Variants in HSD17B12 observed in about 807,000 individuals in gnomAD.
The protein encoded by HSD17B12 is hydroxysteroid 17-beta dehydrogenase 12.
A neutral mutation model predicts 39.3 loss-of-function variants in HSD17B12; 32 were observed. The observed-to-expected ratio is 0.81, with a 90% confidence interval of 0.61 to 1.09. The LOEUF (loss-of-function observed/expected upper bound fraction) is 1.09, where lower values mean the gene tolerates loss of function less well. Among genes scored for constraint, HSD17B12 ranks in the 50% least tolerant of loss-of-function variants. The probability of loss-of-function intolerance (pLI) is 0.00; values close to 1 mark genes in which losing one functional copy is unlikely to be tolerated. For missense variants in HSD17B12, 342 were observed against 382.9 expected, an observed-to-expected ratio of 0.89 and a Z score of 0.89; for synonymous variants, 150 against 146.7, an observed-to-expected ratio of 1.02 and a Z score of -0.16.
intron 6 of HSD17B12, among the ~76,000 whole-genome samples, chr11:43,819,801 C>G (rs944933907): frequency 7.2e-5 from 11 of 152,156 alleles, no homozygotes; most frequent in African/African-American, 2.7e-4. Context: ...TTTTGCAAAC[C>G]TAATCCCATT....
chr11:43,768,138 T>G (rs1318927198), intron 3 of HSD17B12, among the ~76,000 whole-genome samples: 1 of 152,204 alleles, frequency 6.6e-6, no homozygotes, highest in African/African-American at 2.4e-5. Context: ...CTCCATGCTT[T>G]TAAGTGTACT....
the HSD17B12 span, among the ~76,000 whole-genome samples, chr11:43,575,318 G>T: frequency 6.6e-6 from 1 of 152,236 alleles, no homozygotes; most frequent in Non-Finnish European, 1.5e-5. This position sits in a 1 kb window ranked among gnomAD's most constrained non-coding sequence, Gnocchi z 4.1. Flanking sequence ...GGAGAGAGCG[G>T]GAGCCTTAGA....
chr11:43,638,113 C>G, the HSD17B12 span, among the ~76,000 whole-genome samples: 1 of 152,112 alleles, frequency 6.6e-6, no homozygotes, highest in African/African-American at 2.4e-5. Context: ...AAATGAAGTC[C>G]AAATTCGGGT....
chr11:43,606,191 T>C, the HSD17B12 span, among the ~76,000 whole-genome samples: 1 of 152,254 alleles, frequency 6.6e-6, no homozygotes, highest in African/African-American at 2.4e-5. Flanking sequence ...TTAATCAATT[T>C]AATCTACTTA....
intron 3 of HSD17B12, among the ~76,000 whole-genome samples, chr11:43,789,663 G>A (rs1352855752): frequency 1.3e-5 from 2 of 152,144 alleles, no homozygotes; most frequent in Non-Finnish European, 2.9e-5. Flanking sequence ...AAAGAGAAGG[G>A]TAGGCTAGCC....
the HSD17B12 span, among the ~76,000 whole-genome samples, chr11:43,669,647 G>A: frequency 6.6e-6 from 1 of 152,126 alleles, no homozygotes; most frequent in Non-Finnish European, 1.5e-5. Flanking sequence ...GTGGTTGTTG[G>A]CCATTTTGAA....
the HSD17B12 span, among the ~76,000 whole-genome samples, chr11:43,618,203 G>T: frequency 6.6e-6 from 1 of 152,106 alleles, no homozygotes; most frequent in Non-Finnish European, 1.5e-5. Context: ...ATAAGTTCCA[G>T]GGAATTTTCC....
intron 3 of HSD17B12, among the ~76,000 whole-genome samples, chr11:43,779,252 C>A (rs1950741362): frequency 6.6e-6 from 1 of 152,062 alleles, no homozygotes; most frequent in Non-Finnish European, 1.5e-5. Flanking sequence ...ACCAAGTGGG[C>A]AATAAAAATT....
the HSD17B12 span, among the ~76,000 whole-genome samples, chr11:43,610,712 G>A: frequency 1.3e-5 from 2 of 152,114 alleles, no homozygotes; most frequent in African/African-American, 4.8e-5. Flanking sequence ...TGAGCAGCAG[G>A]GGAAGTCTTT....
At chr11:43,854,620 C>T in intron 9 of HSD17B12, 95 bp from the exon 10 acceptor site, 1 of 1,324,412 alleles carries the variant, frequency 7.6e-7, no homozygotes, top group Non-Finnish European at 1.1e-6. Context: ...ACAGATGTTT[C>T]TACCACTAAG....
the HSD17B12 span, among the ~76,000 whole-genome samples, chr11:43,609,245 ATCT>A: frequency 1.3e-5 from 2 of 151,570 alleles, no homozygotes; most frequent in Non-Finnish European, 2.9e-5. Context: ...CAACATGCAC[ATCT>A]CCTTTTTAGA....
chr11:43,602,219 A>C, the HSD17B12 span, among the ~76,000 whole-genome samples: 1 of 152,214 alleles, frequency 6.6e-6, no homozygotes, highest in South Asian at 2.1e-4. Flanking sequence ...TTTAGTTATA[A>C]AATCAATACA....
intron 1 of HSD17B12, among the ~76,000 whole-genome samples, chr11:43,690,361 C>CATATATAT (rs61646858): frequency 3.0e-4 from 12 of 39,420 alleles, no homozygotes; most frequent in East Asian, 6.5e-4. Flanking sequence ...GGTATTCATA[C>CATATATAT]ATATATATAT....
At chr11:43,634,443 AT>A in the HSD17B12 span, among the ~76,000 whole-genome samples, 26,120 of 152,008 alleles carry the variant, frequency 0.17, 2,659 homozygotes, top group Middle Eastern at 0.26. Context: ...GGAAGAATGC[AT>A]TTTTTTTCCT....
chr11:43,603,683 TTTGTTTCTA>T, the HSD17B12 span, among the ~76,000 whole-genome samples: 1 of 152,180 alleles, frequency 6.6e-6, no homozygotes, highest in Non-Finnish European at 1.5e-5. Context: ...AAAACCTTCT[TTTGTTTCTA>T]TTTTGTTTTT....
intron 1 of HSD17B12, among the ~76,000 whole-genome samples, chr11:43,738,498 T>C (rs1370680086): frequency 6.6e-6 from 1 of 152,104 alleles, no homozygotes; most frequent in Admixed American, 6.6e-5. Context: ...TAAACTTCTC[T>C]CTGTTAAAGT....
At chr11:43,579,617 G>A in the HSD17B12 span, 1 of 152,116 alleles carries the variant, frequency 6.6e-6, no homozygotes, top group East Asian at 1.9e-4. Context: ...TTTTTTCCCA[G>A]TTGCCCCGCG....
At chr11:43,628,428 C>A in the HSD17B12 span, among the ~76,000 whole-genome samples, 1 of 151,964 alleles carries the variant, frequency 6.6e-6, no homozygotes, top group African/African-American at 2.4e-5. Flanking sequence ...GACAAGAAGA[C>A]CACTTCACAC....
chr11:43,633,774 GT>G, the HSD17B12 span, among the ~76,000 whole-genome samples: 1 of 151,694 alleles, frequency 6.6e-6, no homozygotes, highest in Non-Finnish European at 1.5e-5. Flanking sequence ...GTCCACATCA[GT>G]TTTTGAAAGA....
Sources: gnomAD v4.1 joint callset for allele counts (sites outside exome capture counted in the v4.1 genomes callset) on GRCh38, gnomAD v4.1.1 for gene constraint, Gnocchi (gnomAD v3.1) non-coding constraint, MANE v1.5 for transcripts, NCBI Gene and HGNC (gene_info 2026-07-23, HGNC 2026-07-21) for gene names.